The following ABCD2 variants were observed in gnomAD, a reference collection of about 807,000 sequenced individuals.
ABCD2 encodes ATP-binding cassette sub-family D member 2.
In ABCD2, 36 loss-of-function variants were observed where a neutral mutation model predicts 70.9. The observed-to-expected ratio is 0.51, with a 90% CI of 0.39 to 0.67. ABCD2 has a LOEUF of 0.67. Ranked by LOEUF, ABCD2 falls within the 30% of genes least tolerant of loss-of-function variation. ABCD2 has a pLI of 0.00. For missense variants in ABCD2, 729 were observed against 890.2 expected, an observed-to-expected ratio of 0.82 and a Z score of 2.30; for synonymous variants, 304 against 306.9, an observed-to-expected ratio of 0.99 and a Z score of 0.10.
At chr12:39,589,872 A>G (rs1290773363) in intron 6 of ABCD2, among the ~76,000 whole-genome samples, 1 of 152,206 alleles carries the variant, frequency 6.6e-6, no homozygotes, top group Admixed American at 6.5e-5. Context: ...TTTTATGATC[A>G]TGTGAAATGG....
chr12:39,543,367 G>A, the ABCD2 span, among the ~76,000 whole-genome samples: 13 of 152,174 alleles, frequency 8.5e-5, no homozygotes, highest in Non-Finnish European at 1.6e-4. Context: ...TTCTGTTGCC[G>A]CTGCAGTCAT....
At chr12:39,566,478 C>T (rs1196177125) in intron 9 of ABCD2, among the ~76,000 whole-genome samples, 1 of 152,094 alleles carries the variant, frequency 6.6e-6, no homozygotes, top group Non-Finnish European at 1.5e-5. Flanking sequence ...TGGTGATATT[C>T]CCTTTATCAT....
At chr12:39,579,488 T>G in intron 8 of ABCD2, 47 bp downstream of exon 8, 1 of 1,352,246 alleles carries the variant, frequency 7.4e-7, no homozygotes, top group Non-Finnish European at 1.0e-6. Context: ...GTTGCTTGGT[T>G]TGGTTACAAC....
At chr12:39,595,741 A>G (rs1285783571) in intron 6 of ABCD2, among the ~76,000 whole-genome samples, 3 of 152,212 alleles carry the variant, frequency 2.0e-5, no homozygotes, top group African/African-American at 7.2e-5. Flanking sequence ...ATAATTTCAG[A>G]ATATCTTCTG....
At chr12:39,533,034 G>A in the ABCD2 span, among the ~76,000 whole-genome samples, 24 of 151,864 alleles carry the variant, frequency 1.6e-4, no homozygotes, top group African/African-American at 4.6e-4. Context: ...GGGTGGTGGC[G>A]GGTGCCTGTA....
chr12:39,603,464 A>T (rs1454151342), intron 5 of ABCD2, among the ~76,000 whole-genome samples: 3 of 152,124 alleles, frequency 2.0e-5, no homozygotes, highest in African/African-American at 7.2e-5. Flanking sequence ...TGATTATTTT[A>T]TAATAGTACA....
At chr12:39,559,331 C>T (rs7310871) in intron 9 of ABCD2, among the ~76,000 whole-genome samples, 14,765 of 137,622 alleles carry the variant, frequency 0.11, 751 homozygotes, top group East Asian at 0.18. Context: ...GAGCTAAGAT[C>T]ACACCATTGC....
intron 6 of ABCD2, among the ~76,000 whole-genome samples, chr12:39,590,121 A>G: frequency 6.6e-6 from 1 of 152,204 alleles, no homozygotes; most frequent in Non-Finnish European, 1.5e-5. Flanking sequence ...TTTCCAGCTC[A>G]AAGTTCTGGA....
chr12:39,576,159 T>C (rs1305265719), intron 8 of ABCD2, among the ~76,000 whole-genome samples: 1 of 151,608 alleles, frequency 6.6e-6, no homozygotes, highest in Non-Finnish European at 1.5e-5. Context: ...GTTTTTGTTG[T>C]TGTTGTTGTT....
Position 39,564,713 on chromosome 12 carries a change from G to T in ABCD2, c.2003+9003C>A, listed in dbSNP as rs558182246. Among the ~76,000 whole-genome samples, 1,310 of 152,230 alleles carry T rather than the reference G, an allele frequency of 8.6e-3. 14 individuals carry two copies. Among genetic ancestry groups the T allele is most frequent in the Non-Finnish European group, 0.015 (1,044 of 67,970 alleles). ...ACATGAAGTCCTTGCCCATGCCTATGTCCTGAATGGTATTGCCTAGGTTTT... is the reference window on the plus strand; with the variant it reads ...ACATGAAGTCCTTGCCCATGCCTATTTCCTGAATGGTATTGCCTAGGTTTT... On this transcript the variant is annotated intron_variant, in intron 9 of 9. Transcript: ENST00000308666.
intron 2 of ABCD2, among the ~76,000 whole-genome samples, chr12:39,615,203 G>T (rs1306903710): frequency 2.0e-5 from 3 of 151,574 alleles, no homozygotes; most frequent in African/African-American, 2.4e-5. Flanking sequence ...ATACTCCAGG[G>T]TTTTTTAATA....
At chr12:39,538,313 G>A in the ABCD2 span, among the ~76,000 whole-genome samples, 1 of 151,826 alleles carries the variant, frequency 6.6e-6, no homozygotes, top group Admixed American at 6.6e-5. Flanking sequence ...AGGACTACAG[G>A]TGCCTGCCAC....
At chr12:39,543,565 T>TTTC in the ABCD2 span, among the ~76,000 whole-genome samples, 1 of 152,210 alleles carries the variant, frequency 6.6e-6, no homozygotes, top group East Asian at 1.9e-4. Context: ...GAGAAGAACT[T>TTTC]AGTGTTTCAG....
intron 2 of ABCD2, 82 bp from the exon 3 acceptor site, chr12:39,607,796 A>C: frequency 3.3e-6 from 3 of 896,102 alleles, no homozygotes. Context: ...TATACAAACT[A>C]AATTGTGGCT....
chr12:39,568,776 T>G (rs1331336859), intron 9 of ABCD2, among the ~76,000 whole-genome samples: 10 of 152,174 alleles, frequency 6.6e-5, no homozygotes, highest in Non-Finnish European at 5.9e-5. Context: ...CTTTGGTCTT[T>G]GATGATGGTG....
chr12:39,593,241 T>A (rs1417583636), intron 6 of ABCD2, among the ~76,000 whole-genome samples: 1 of 152,086 alleles, frequency 6.6e-6, no homozygotes, highest in Non-Finnish European at 1.5e-5. Context: ...AGCTTTTATT[T>A]TTTTGTTTTA....
chr12:39,608,200 A>G (rs902079660), intron 2 of ABCD2, among the ~76,000 whole-genome samples: 1 of 151,950 alleles, frequency 6.6e-6, no homozygotes, highest in African/African-American at 2.4e-5. Flanking sequence ...AAAGAAATGA[A>G]AAGAAGAGAG....
chr12:39,619,540 G>A lies in ABCD2; in HGVS notation c.76C>T (p.Leu26=), dbSNP rs1388070431. ...TTCAGAGCATATGCCGCAGCCACCA[G>A]GCAGGCAGCCCTCTTAGCAGCACTC... ...RSSAAKRAAC[L]VAAAYALKTL... The change falls in exon 1 of 10, where the codon CTG becomes TTG. Residue 26 remains leucine, a synonymous_variant. Transcript: ENST00000308666. 33 of 1,611,632 alleles carry A rather than the reference G, an allele frequency of 2.0e-5. No homozygotes were observed. Among genetic ancestry groups the A allele is most frequent in the Non-Finnish European group, 2.7e-5 (32 of 1,180,016 alleles).
At chr12:39,569,873 A>C (rs1028153123) in intron 9 of ABCD2, among the ~76,000 whole-genome samples, 4 of 152,192 alleles carry the variant, frequency 2.6e-5, no homozygotes, top group African/African-American at 9.7e-5. Flanking sequence ...TAGATTTATA[A>C]ATGAATTCAG....
Sources: gnomAD v4.1 joint callset for allele counts (sites outside exome capture counted in the v4.1 genomes callset) on GRCh38, gnomAD v4.1.1 for gene constraint, MANE v1.5 for transcripts, NCBI Gene and HGNC (gene_info 2026-07-23, HGNC 2026-07-21) for gene names.